Variants in PRELID2 observed in about 807,000 individuals in gnomAD.
The protein encoded by PRELID2 is PRELI domain-containing protein 2.
Under a neutral mutation model 28.4 loss-of-function variants are expected in PRELID2, and 25 were observed. The observed-to-expected ratio is 0.88, with a 90% confidence interval of 0.64 to 1.23. The LOEUF (loss-of-function observed/expected upper bound fraction) is 1.23. PRELID2 is among the 50% of genes most tolerant of loss of function. PRELID2 has a pLI of 0.00. For missense variants in PRELID2, 201 were observed against 214.4 expected (o/e 0.94, Z 0.39); for synonymous variants, 76 against 71.6 (o/e 1.06, Z -0.31).
chr5:145,512,503 T>C (rs568584807), intron 1 of PRELID2, among the ~76,000 whole-genome samples: 1 of 152,326 alleles, frequency 6.6e-6, no homozygotes, highest in South Asian at 2.1e-4. Flanking sequence ...AGTAAGGGGC[T>C]TATAGATCAA....
At chr5:145,368,872 G>A in the PRELID2 span, among the ~76,000 whole-genome samples, 1 of 151,614 alleles carries the variant, frequency 6.6e-6, no homozygotes, top group Non-Finnish European at 1.5e-5. Flanking sequence ...AGAGAAGCTA[G>A]TGTTACGGAG....
At chr5:145,289,052 C>T in the PRELID2 span, among the ~76,000 whole-genome samples, 1 of 152,028 alleles carries the variant, frequency 6.6e-6, no homozygotes, top group Non-Finnish European at 1.5e-5. Flanking sequence ...CCATTACTTC[C>T]TTCCATAAAG....
chr5:145,371,614 C>T, the PRELID2 span, among the ~76,000 whole-genome samples: 46 of 152,010 alleles, frequency 3.0e-4, 1 homozygote, highest in Admixed American at 1.8e-3. Flanking sequence ...ATCAGGATGA[C>T]GCTGGCTTCA....
the PRELID2 span, among the ~76,000 whole-genome samples, chr5:145,289,466 G>A: frequency 2.6e-5 from 4 of 152,250 alleles, no homozygotes; most frequent in African/African-American, 9.6e-5. Context: ...ACATTCTGGT[G>A]TATGGGTATA....
chr5:145,681,358 T>C (rs542105126), intron 1 of PRELID2, among the ~76,000 whole-genome samples: 1 of 152,308 alleles, frequency 6.6e-6, no homozygotes, highest in South Asian at 2.1e-4. Context: ...GATATGGTTG[T>C]TTGTCTTCTC....
chr5:145,724,636 TATATATATATA>T (rs1756088218), intron 1 of PRELID2, among the ~76,000 whole-genome samples: 2 of 107,512 alleles, frequency 1.9e-5, no homozygotes, highest in African/African-American at 6.9e-5. Flanking sequence ...TATATATATA[TATATATATATA>T]ATGCCTGTAA....
chr5:145,371,820 T>A, the PRELID2 span, among the ~76,000 whole-genome samples: 6 of 151,676 alleles, frequency 4.0e-5, no homozygotes, highest in Admixed American at 2.6e-4. Flanking sequence ...CATTTTTTAT[T>A]GTGTCTATTT....
chr5:145,240,526 A>G, the PRELID2 span, among the ~76,000 whole-genome samples: 7 of 152,040 alleles, frequency 4.6e-5, no homozygotes, highest in Non-Finnish European at 8.8e-5. Context: ...AAAATAATCC[A>G]TTGTGTATAT....
chr5:145,547,030 T>C (rs761217997), intron 1 of PRELID2, among the ~76,000 whole-genome samples: 50 of 152,326 alleles, frequency 3.3e-4, no homozygotes, highest in Non-Finnish European at 2.4e-4. Context: ...CTTAGCACAA[T>C]GTCTGATATG....
chr5:145,350,691 C>T, the PRELID2 span, among the ~76,000 whole-genome samples: 2 of 152,156 alleles, frequency 1.3e-5, no homozygotes, highest in African/African-American at 4.8e-5. Context: ...GCCATACTCA[C>T]AATGAATCAG....
chr5:145,737,443 C>A (rs542515744), intron 1 of PRELID2, among the ~76,000 whole-genome samples: 52 of 151,036 alleles, frequency 3.4e-4, no homozygotes, highest in Middle Eastern at 6.8e-3. Flanking sequence ...AAAACAAAAA[C>A]AAAAAAAATA....
At chr5:145,465,128 A>G in the PRELID2 span, among the ~76,000 whole-genome samples, 1 of 152,090 alleles carries the variant, frequency 6.6e-6, no homozygotes, top group Non-Finnish European at 1.5e-5. Context: ...GGCCTCCTAG[A>G]GTCCTGGTCT....
the PRELID2 span, among the ~76,000 whole-genome samples, chr5:145,359,743 T>C: frequency 2.6e-5 from 4 of 152,144 alleles, no homozygotes; most frequent in Non-Finnish European, 5.9e-5. Context: ...TTACATGAAA[T>C]AGTATTTGAA....
chr5:145,619,177 C>T (rs150434251), intron 1 of PRELID2, among the ~76,000 whole-genome samples: 297 of 152,220 alleles, frequency 2.0e-3, no homozygotes, highest in African/African-American at 6.8e-3. Context: ...AGATTGGTGC[C>T]CTCTCCCAAC....
chr5:145,556,177 CAAAA>C (rs1231402100), intron 1 of PRELID2, among the ~76,000 whole-genome samples: 3 of 61,204 alleles, frequency 4.9e-5, no homozygotes, highest in Non-Finnish European at 3.6e-5. Context: ...GACTCTATCT[CAAAA>C]AAAAAAAAAA....
At chr5:145,756,128 C>G (rs1222802585), downstream of PRELID2, among the ~76,000 whole-genome samples, 1 of 152,148 alleles carries the variant, frequency 6.6e-6, no homozygotes. Context: ...TAGCACCTGG[C>G]CCACCCAGGT....
At chr5:145,820,091 C>A (rs1447354792) in intron 2 of PRELID2, 73 bp from the exon 3 acceptor site, 5 of 849,386 alleles carry the variant, frequency 5.9e-6, no homozygotes, top group Middle Eastern at 2.5e-4. Context: ...ATAAATCTTG[C>A]GGGGGTGGGG....
chr5:145,318,654 T>C, the PRELID2 span, among the ~76,000 whole-genome samples: 1 of 152,198 alleles, frequency 6.6e-6, no homozygotes, highest in Non-Finnish European at 1.5e-5. Flanking sequence ...GATGGGCAGC[T>C]GCAGGAACCA....
chr5:145,318,176 T>C, the PRELID2 span, among the ~76,000 whole-genome samples: 53 of 152,178 alleles, frequency 3.5e-4, no homozygotes, highest in Non-Finnish European at 6.9e-4. Flanking sequence ...TTTCAGTGTT[T>C]CTACAAAGCA....
Sources: allele counts gnomAD v4.1 joint callset (sites outside exome capture counted in the v4.1 genomes callset), GRCh38; gene constraint gnomAD v4.1.1; transcripts MANE v1.5; gene names NCBI Gene and HGNC (gene_info 2026-07-23, HGNC 2026-07-21).